Variants in MGMT observed in about 807,000 individuals in gnomAD.
The protein encoded by MGMT is methylated-DNA--protein-cysteine methyltransferase.
In MGMT, 14 loss-of-function variants were observed where a neutral mutation model predicts 15.9. The ratio of observed to expected loss-of-function variants is 0.88; its 90% CI spans 0.58 to 1.37. MGMT has a LOEUF of 1.37. Among genes scored for constraint, MGMT ranks in the 40% most tolerant of loss-of-function variants. MGMT has a pLI of 0.00. For missense variants in MGMT, 282 were observed against 268.1 expected, an observed-to-expected ratio of 1.05 and a Z score of -0.36; for synonymous variants, 130 against 118.2, an observed-to-expected ratio of 1.10 and a Z score of -0.65.
chr10:129,603,843 G>C (rs936203711), intron 2 of MGMT, among the ~76,000 whole-genome samples: 5 of 152,182 alleles, frequency 3.3e-5, no homozygotes, highest in African/African-American at 1.2e-4. Flanking sequence ...TAATTTGAAA[G>C]TAAGATTACT....
rs1319718349 is a variant in MGMT at position 129,539,663 on chromosome 10, C to T, written c.125+3286C>T. Among the ~76,000 whole-genome samples, 3 of 152,212 alleles carry T rather than the reference C, an allele frequency of 2.0e-5. No individual in the cohort carries two copies. The East Asian group carries it at 5.8e-4, about 29-fold the overall frequency. ...CTGAGACTACAGGCGCCTGCTGCCA[C>T]GCCCGGCTAAATTTTTGTATATTTA... is the stretch of plus-strand genomic sequence containing the variant. On this transcript the variant is annotated intron_variant, in intron 2 of 4. Coordinates refer to ENST00000651593, the MANE Select transcript of MGMT (RefSeq NM_002412.5).
Position 129,712,271 on chromosome 10 carries a change from G to A in MGMT, c.274+4228G>A, listed in dbSNP as rs1848241380. On this transcript the variant is annotated intron_variant, in intron 3 of 4. Transcript: ENST00000651593. ...TGTGGGGAGCCTAGCTGGGACCCCA[G>A]CCTTCTCACAGTTGAAGGTGTTCAA... 2.0e-5 allele frequency among the ~76,000 whole-genome samples: 3 copies of A among 152,148 alleles called. No individual in the cohort carries two copies. In the East Asian group the frequency reaches 5.8e-4, roughly 29 times the overall value.
rs1285863623 is a variant in MGMT, at chr10:129,487,973, G to A, written c.-13+20677G>A. 2.8e-4 allele frequency among the ~76,000 whole-genome samples: 11 copies of A among 39,490 alleles called. No homozygotes were observed. The South Asian group carries it at 4.7e-3, about 17-fold the overall frequency. 25.9% of individuals were successfully genotyped at this position (39,490 alleles called of 152,430 possible). ...CACACAAACACACATAGGTGTATACGCAGGTATACACACACACACACACAT... is the reference window on the plus strand; with the variant it reads ...CACACAAACACACATAGGTGTATACACAGGTATACACACACACACACACAT... On this transcript the variant is annotated intron_variant, in intron 1 of 4. Coordinates refer to ENST00000651593, the MANE Select transcript of MGMT (RefSeq NM_002412.5).
chr10:129,658,067 G>A (rs1267382793), intron 2 of MGMT, among the ~76,000 whole-genome samples: 1 of 152,144 alleles, frequency 6.6e-6, no homozygotes. Context: ...TGATCTCCCT[G>A]GTCCTATTAT....
intron 1 of MGMT, among the ~76,000 whole-genome samples, chr10:129,521,971 G>A (rs58604259): frequency 0.25 from 37,423 of 152,180 alleles, 5,485 homozygotes; most frequent in African/African-American, 0.42. Flanking sequence ...ACGCAGGGCC[G>A]ATGGGAGATG....
intron 2 of MGMT, among the ~76,000 whole-genome samples, chr10:129,681,798 C>T (rs1016565584): frequency 6.6e-6 from 1 of 152,116 alleles, no homozygotes; most frequent in Non-Finnish European, 1.5e-5. Flanking sequence ...GAGGCACTCA[C>T]CAGCATATAC....
Position 129,600,478 on chromosome 10 carries a change from T to TA in MGMT, c.125+64107dup, listed in dbSNP as rs1453333623. ...CTCATTAATAGACCCAGAAAACAAT[T>TA]AAAAAATACACATTGTGATTTGGAC... On this transcript the variant is annotated intron_variant, in intron 2 of 4. Transcript: ENST00000651593. Among the ~76,000 whole-genome samples, 10 of 152,244 alleles carry TA rather than the reference T, an allele frequency of 6.6e-5. No homozygotes were observed. The South Asian group carries it at 1.9e-3, about 28-fold the overall frequency.
chr10:129,584,768 C>T (rs893020419), intron 2 of MGMT, among the ~76,000 whole-genome samples: 5 of 152,156 alleles, frequency 3.3e-5, no homozygotes. Flanking sequence ...GTTCCTTTCC[C>T]TTCGTGTGGT....
At chr10:129,709,529 G>C (rs1213435035) in intron 3 of MGMT, among the ~76,000 whole-genome samples, 3 of 152,180 alleles carry the variant, frequency 2.0e-5, no homozygotes, top group African/African-American at 7.2e-5. Flanking sequence ...CTGAAGAGCT[G>C]TCCAGAGGCT....
chr10:129,709,741 G>A (rs917915775), intron 3 of MGMT, among the ~76,000 whole-genome samples: 17 of 152,140 alleles, frequency 1.1e-4, no homozygotes, highest in South Asian at 2.1e-4. Context: ...CATGAAAATC[G>A]TTAGTTTTCT....
chr10:129,631,121 CT>C (rs1847204906), intron 2 of MGMT, among the ~76,000 whole-genome samples: 1 of 151,650 alleles, frequency 6.6e-6, no homozygotes, highest in Non-Finnish European at 1.5e-5. Flanking sequence ...TGTTTCTCAA[CT>C]TTTATTTATG....
intron 2 of MGMT, among the ~76,000 whole-genome samples, chr10:129,630,408 G>A (rs1847197013): frequency 6.6e-6 from 1 of 152,214 alleles, no homozygotes; most frequent in Admixed American, 6.5e-5. Flanking sequence ...GCTCATGGCT[G>A]GATGTGAGGA....
At chr10:129,719,334 G>T (rs1404104708) in intron 3 of MGMT, among the ~76,000 whole-genome samples, 1 of 152,270 alleles carries the variant, frequency 6.6e-6, no homozygotes, top group Non-Finnish European at 1.5e-5. Flanking sequence ...CCATTAGCTG[G>T]CACATGCTGT....
intron 1 of MGMT, among the ~76,000 whole-genome samples, chr10:129,505,828 A>G (rs1323442231): frequency 6.6e-6 from 1 of 152,072 alleles, no homozygotes; most frequent in Non-Finnish European, 1.5e-5. Context: ...TATACTGGGC[A>G]TCATATTTGA....
chr10:129,739,321 A>G (rs1017504355), intron 3 of MGMT, among the ~76,000 whole-genome samples: 1 of 152,356 alleles, frequency 6.6e-6, no homozygotes, highest in Middle Eastern at 3.4e-3. Context: ...GGCAAGAGAA[A>G]GAAATAAAGG....
chr10:129,566,419 A>T lies in MGMT; in HGVS notation c.125+30042A>T, dbSNP rs1232121388. Among the ~76,000 whole-genome samples, 6 of 152,050 alleles carry T rather than the reference A, an allele frequency of 3.9e-5. No homozygotes were observed. Among genetic ancestry groups the T allele is most frequent in the Admixed American group, 2.0e-4 (3 of 15,266 alleles). ...GATGTGGCCTTAGTGCTCTGGGCGG[A>T]TGTACCTTGGCTCTGCCTGGACCCT... On this transcript the variant is annotated intron_variant, in intron 2 of 4. Transcript: ENST00000651593. This position sits in a 1 kb window ranked among gnomAD's most constrained non-coding sequence, Gnocchi z 4.1.
chr10:129,602,743 C>T (rs562704757), intron 2 of MGMT, among the ~76,000 whole-genome samples: 1 of 152,096 alleles, frequency 6.6e-6, no homozygotes, highest in Non-Finnish European at 1.5e-5. Flanking sequence ...CCTCCCTCCC[C>T]CTCCTTCCTT....
chr10:129,728,678 C>G (rs1435750627), intron 3 of MGMT, among the ~76,000 whole-genome samples: 1 of 152,050 alleles, frequency 6.6e-6, no homozygotes, highest in Non-Finnish European at 1.5e-5. Flanking sequence ...GCCTGCAGGT[C>G]TCAGCACCAG....
intron 3 of MGMT, among the ~76,000 whole-genome samples, chr10:129,726,440 C>A (rs1848435510): frequency 6.6e-6 from 1 of 152,150 alleles, no homozygotes; most frequent in Non-Finnish European, 1.5e-5. Flanking sequence ...TGAGGACGCT[C>A]TCCAGCATCA....
Sources: gnomAD v4.1 joint callset for allele counts (sites outside exome capture counted in the v4.1 genomes callset) on GRCh38, gnomAD v4.1.1 for gene constraint, Gnocchi (gnomAD v3.1) non-coding constraint, MANE v1.5 for transcripts, NCBI Gene and HGNC (gene_info 2026-07-23, HGNC 2026-07-21) for gene names.